The following NKAIN2 variants were observed in gnomAD, a reference collection of about 807,000 sequenced individuals.
The protein encoded by NKAIN2 is sodium/potassium transporting ATPase interacting 2.
NKAIN2 carries 14 observed loss-of-function variants against 32.6 expected under a neutral mutation model. That is an observed-to-expected ratio of 0.43 (90% confidence interval 0.28 to 0.67). The LOEUF is 0.67. Among genes scored for constraint, NKAIN2 ranks in the 30% least tolerant of loss-of-function variants. NKAIN2 has a pLI of 0.17. For synonymous variants in NKAIN2, 80 were observed against 87.2 expected, an observed-to-expected ratio of 0.92 and a Z score of 0.46; for missense variants, 198 against 258.3, an observed-to-expected ratio of 0.77 and a Z score of 1.60.
At chr6:123,811,154 T>C (rs1773446818) in intron 1 of NKAIN2, among the ~76,000 whole-genome samples, 1 of 152,228 alleles carries the variant, frequency 6.6e-6, no homozygotes, top group Non-Finnish European at 1.5e-5. Context: ...AACTAAATTC[T>C]TCCTATGGCC....
rs764088173 is a variant in NKAIN2 at position 124,246,589 on chromosome 6, G to A, written c.55-36416G>A. On this transcript the variant is annotated intron_variant, in intron 1 of 6. Coordinates refer to ENST00000368417, the MANE Select transcript of NKAIN2 (RefSeq NM_001040214.3). ...AGTTGAAACAAATCCGTGTGGCCTC[G>A]ACACCTCTTTCATAGTGAGATGAGT... Among the ~76,000 whole-genome samples, 4 of 151,932 alleles carry A rather than the reference G, an allele frequency of 2.6e-5. No individual in the cohort carries two copies. In the East Asian group the frequency reaches 5.8e-4, roughly 22 times the overall value.
intron 1 of NKAIN2, among the ~76,000 whole-genome samples, chr6:124,133,845 G>GA (rs1786597805): frequency 6.6e-6 from 1 of 151,458 alleles, no homozygotes; most frequent in Admixed American, 6.6e-5. Flanking sequence ...CTTACGAGGG[G>GA]AAAAAAGAAA....
chr6:124,001,408 A>T (rs2114712718), intron 1 of NKAIN2, among the ~76,000 whole-genome samples: 1 of 152,206 alleles, frequency 6.6e-6, no homozygotes, highest in South Asian at 2.1e-4. Flanking sequence ...AACTATAAAG[A>T]TTTAACTTCT....
chr6:123,955,985 G>A (rs969838154), intron 1 of NKAIN2, among the ~76,000 whole-genome samples: 15 of 151,196 alleles, frequency 9.9e-5, no homozygotes, highest in South Asian at 4.2e-4. Context: ...ATGTAATTAC[G>A]TGTAAAATGC....
chr6:124,328,987 G>C (rs1797540338), intron 2 of NKAIN2, among the ~76,000 whole-genome samples: 1 of 152,122 alleles, frequency 6.6e-6, no homozygotes, highest in Admixed American at 6.5e-5. Flanking sequence ...TTAGTGGTTG[G>C]TTTCTTTTCC....
At chr6:124,397,867 G>A (rs2114443428) in intron 3 of NKAIN2, among the ~76,000 whole-genome samples, 1 of 152,170 alleles carries the variant, frequency 6.6e-6, no homozygotes, top group Non-Finnish European at 1.5e-5. Flanking sequence ...AATTAGATTA[G>A]CTTCATTGGA....
intron 3 of NKAIN2, among the ~76,000 whole-genome samples, chr6:124,540,690 C>T (rs1011450959): frequency 6.6e-6 from 1 of 152,158 alleles, no homozygotes; most frequent in Non-Finnish European, 1.5e-5. Flanking sequence ...GATTTTTTGA[C>T]TGTACAATGG....
intron 2 of NKAIN2, among the ~76,000 whole-genome samples, chr6:124,337,784 A>G (rs1797941660): frequency 6.6e-6 from 1 of 152,212 alleles, no homozygotes; most frequent in African/African-American, 2.4e-5. Flanking sequence ...CTTTTTGAAA[A>G]GAAATTGTGT....
chr6:124,687,261 ATTCTCTC>A (rs1562324361), intron 4 of NKAIN2, among the ~76,000 whole-genome samples: 23 of 141,926 alleles, frequency 1.6e-4, no homozygotes, highest in African/African-American at 6.1e-4. Flanking sequence ...ACCTATATAT[ATTCTCTC>A]TATATATAGA....
intron 1 of NKAIN2, among the ~76,000 whole-genome samples, chr6:124,211,795 CTATT>C (rs1257246479): frequency 6.6e-6 from 1 of 152,024 alleles, no homozygotes; most frequent in Non-Finnish European, 1.5e-5. Context: ...CAGTGACAAA[CTATT>C]TGAACAGAAA....
intron 1 of NKAIN2, among the ~76,000 whole-genome samples, chr6:123,856,510 C>T (rs995924284): frequency 6.6e-6 from 1 of 152,128 alleles, no homozygotes. Flanking sequence ...TGGATTTACT[C>T]TATATCGTAA....
At chr6:123,899,940 A>T (rs993377105) in intron 1 of NKAIN2, among the ~76,000 whole-genome samples, 5 of 152,246 alleles carry the variant, frequency 3.3e-5, no homozygotes, top group Non-Finnish European at 4.4e-5. Flanking sequence ...TGAGCCGAGC[A>T]CGGGAGTGTC....
intron 1 of NKAIN2, among the ~76,000 whole-genome samples, chr6:124,093,349 G>A (rs1314890018): frequency 6.6e-6 from 1 of 152,030 alleles, no homozygotes; most frequent in Non-Finnish European, 1.5e-5. Flanking sequence ...CTCCAAAGCC[G>A]CACTACCTAG....
At chr6:124,242,208 A>G (rs9491096) in intron 1 of NKAIN2, among the ~76,000 whole-genome samples, 13,155 of 152,234 alleles carry the variant, frequency 0.086, 1,216 homozygotes, top group African/African-American at 0.23. Flanking sequence ...CAAGAAAAAA[A>G]CAGCCCCATC....
chr6:123,940,300 GTT>G (rs980877443), intron 1 of NKAIN2, among the ~76,000 whole-genome samples: 11 of 150,132 alleles, frequency 7.3e-5, no homozygotes, highest in African/African-American at 1.7e-4. Context: ...TGTGTGTTTG[GTT>G]TGTGTGTGTG....
chr6:124,397,924 T>C (rs1773454805), intron 3 of NKAIN2, among the ~76,000 whole-genome samples: 1 of 152,042 alleles, frequency 6.6e-6, no homozygotes, highest in South Asian at 2.1e-4. Flanking sequence ...TCAGAGTTTA[T>C]GGTGCTTAAA....
chr6:124,188,307 G>A (rs367879180), intron 1 of NKAIN2, among the ~76,000 whole-genome samples: 1 of 152,140 alleles, frequency 6.6e-6, no homozygotes, highest in East Asian at 1.9e-4. Context: ...AAAACTATAG[G>A]GCAGGCTATC....
chr6:124,536,217 T>C (rs1422885111), intron 3 of NKAIN2, among the ~76,000 whole-genome samples: 2 of 152,230 alleles, frequency 1.3e-5, no homozygotes, highest in Non-Finnish European at 2.9e-5. Flanking sequence ...GGTTTCTCTT[T>C]AGCAAGGCTT....
intron 2 of NKAIN2, among the ~76,000 whole-genome samples, chr6:124,339,368 A>C (rs1798020738): frequency 2.0e-5 from 3 of 152,092 alleles, no homozygotes; most frequent in African/African-American, 7.2e-5. Flanking sequence ...CAACAACAAC[A>C]AAAACTGCAG....
Sources: allele counts gnomAD v4.1 joint callset (sites outside exome capture counted in the v4.1 genomes callset), GRCh38; gene constraint gnomAD v4.1.1; transcripts MANE v1.5; gene names NCBI Gene and HGNC (gene_info 2026-07-23, HGNC 2026-07-21).